The following BNC2 variants were observed in gnomAD, a reference collection of about 807,000 sequenced individuals.
BNC2 encodes the protein zinc finger protein basonuclin-2.
BNC2 carries 20 observed loss-of-function variants against 76.3 expected under a neutral mutation model. That is an observed-to-expected ratio of 0.26 (90% CI 0.18 to 0.38). The LOEUF (loss-of-function observed/expected upper bound fraction) is 0.38. Ranked by LOEUF, BNC2 falls within the 10% of genes least tolerant of loss-of-function variation. The pLI is 1.00. For synonymous variants in BNC2, 582 were observed against 514.8 expected (o/e 1.13, Z -1.77); for missense variants, 1,382 against 1,399.8 (o/e 0.99, Z 0.20).
chr9:16,669,839 C>G (rs546867910), intron 3 of BNC2, among the ~76,000 whole-genome samples: 2 of 152,270 alleles, frequency 1.3e-5, no homozygotes, highest in South Asian at 4.1e-4. Context: ...GAAGCAAAAA[C>G]GTGTTAGAAA....
rs1377248846 is a variant in BNC2, at chr9:16,415,978, A to T, written c.*3011T>A. 1 of 151,834 alleles carries T rather than the reference A, an allele frequency of 6.6e-6. No individual in the cohort carries two copies. The highest frequency in any genetic ancestry group is 1.5e-5 in the Non-Finnish European group (1 of 67,964). 9.4% of individuals were successfully genotyped at this position (151,834 alleles called of 1,614,324 possible). ...ACATTCATGTTTCCAAGCAAGGGAA[A>T]CTCTACTTCTAGAATCTCATTACTT... is the stretch of plus-strand genomic sequence containing the variant. On this transcript the variant is annotated 3_prime_UTR_variant, in exon 7 of 7. Transcript: ENST00000380672.
chr9:16,685,758 G>A, intron 3 of BNC2: 2 of 439,758 alleles, frequency 4.5e-6, no homozygotes, highest in Non-Finnish European at 8.9e-6. Context: ...GGCTTGACAT[G>A]TATGTGACAC....
chr9:16,752,840 C>T (rs1825262528), intron 1 of BNC2, among the ~76,000 whole-genome samples: 1 of 152,106 alleles, frequency 6.6e-6, no homozygotes, highest in Admixed American at 6.5e-5. Flanking sequence ...TGGTTATTAG[C>T]CAGTAAGTTT....
intron 5 of BNC2, among the ~76,000 whole-genome samples, chr9:16,517,960 A>G (rs1817489031): frequency 6.6e-6 from 1 of 152,172 alleles, no homozygotes; most frequent in Non-Finnish European, 1.5e-5. Context: ...GGTTTCTACC[A>G]AATCCCTTAA....
At chr9:16,634,782 T>A (rs1309748831) in intron 3 of BNC2, among the ~76,000 whole-genome samples, 7 of 152,138 alleles carry the variant, frequency 4.6e-5, no homozygotes, top group Admixed American at 6.5e-5. Flanking sequence ...ATTACAGGCG[T>A]GAACAACCGC....
Position 16,507,350 on chromosome 9 carries a change from C to G in BNC2, c.669+45180G>C, listed in dbSNP as rs1182843034. On this transcript the variant is annotated intron_variant, in intron 5 of 6. Transcript: ENST00000380672. ...CTTGATCTTGGCTCAGCCTACGCCT[C>G]CTGGGTTCAAACGATTCTCCTGCCT... 3.3e-5 allele frequency among the ~76,000 whole-genome samples: 5 copies of G among 149,256 alleles called. No individual in the cohort carries two copies. In the Admixed American group the frequency reaches 3.4e-4, roughly 10 times the overall value.
intron 1 of BNC2, among the ~76,000 whole-genome samples, chr9:16,809,401 T>C (rs1000959371): frequency 6.6e-6 from 1 of 152,166 alleles, no homozygotes; most frequent in African/African-American, 2.4e-5. Context: ...ATCCAATAAC[T>C]TCAGTGTTAG....
chr9:16,567,923 T>C (rs1456839336), intron 4 of BNC2, among the ~76,000 whole-genome samples: 2 of 152,222 alleles, frequency 1.3e-5, no homozygotes, highest in Non-Finnish European at 2.9e-5. Flanking sequence ...TAAAAATCTG[T>C]ACGAAAAGGG....
At chr9:16,492,428 A>T (rs532149683) in intron 5 of BNC2, among the ~76,000 whole-genome samples, 5 of 152,224 alleles carry the variant, frequency 3.3e-5, no homozygotes, top group Non-Finnish European at 7.3e-5. Context: ...TGCTTAAAAC[A>T]TGTAGTTTGT....
chr9:16,441,259 G>A, intron 5 of BNC2, among the ~76,000 whole-genome samples: 1 of 152,284 alleles, frequency 6.6e-6, no homozygotes, highest in African/African-American at 2.4e-5. Context: ...AGCCATGATA[G>A]TGCCACTGCA....
chr9:16,571,793 G>T (rs1373990869), intron 4 of BNC2, among the ~76,000 whole-genome samples: 2 of 152,014 alleles, frequency 1.3e-5, no homozygotes, highest in African/African-American at 4.8e-5. Context: ...CCTACGACAG[G>T]TTTTCCGCTG....
chr9:16,675,382 T>C (rs920746475), intron 3 of BNC2, among the ~76,000 whole-genome samples: 1 of 152,110 alleles, frequency 6.6e-6, no homozygotes, highest in Non-Finnish European at 1.5e-5. Context: ...GCCTTCAGAA[T>C]AGCTGGGACT....
intron 5 of BNC2, among the ~76,000 whole-genome samples, chr9:16,524,991 T>A (rs993105050): frequency 6.7e-6 from 1 of 150,072 alleles, no homozygotes. Context: ...GAGGATCACT[T>A]GAGCCTGAAA....
At chr9:16,653,662 T>C (rs1199483341) in intron 3 of BNC2, among the ~76,000 whole-genome samples, 2 of 152,152 alleles carry the variant, frequency 1.3e-5, no homozygotes, top group African/African-American at 4.8e-5. Flanking sequence ...ATATCTTGCC[T>C]AGGCTGCTCC....
chr9:16,812,593 G>C (rs115108885), intron 1 of BNC2, among the ~76,000 whole-genome samples: 10 of 152,160 alleles, frequency 6.6e-5, no homozygotes, highest in Admixed American at 1.3e-4. Flanking sequence ...TTTTTGGAGT[G>C]TTTCATCTTA....
At chr9:16,641,911 G>C (rs370975595) in intron 3 of BNC2, among the ~76,000 whole-genome samples, 1 of 152,088 alleles carries the variant, frequency 6.6e-6, no homozygotes, top group South Asian at 2.1e-4. Context: ...CTATTTAATG[G>C]AATGGCCATT....
chr9:16,494,652 A>C (rs949025387), intron 5 of BNC2, among the ~76,000 whole-genome samples: 1 of 152,302 alleles, frequency 6.6e-6, no homozygotes. Context: ...AAGTTGAACA[A>C]GTGAAGGAGG....
chr9:16,709,543 A>G (rs1214129933), intron 3 of BNC2, among the ~76,000 whole-genome samples: 1 of 152,146 alleles, frequency 6.6e-6, no homozygotes, highest in African/African-American at 2.4e-5. Flanking sequence ...GAGAGATGTT[A>G]AAGAACTCAG....
At chr9:16,847,097 G>A (rs955652162) in intron 1 of BNC2, among the ~76,000 whole-genome samples, 2 of 152,126 alleles carry the variant, frequency 1.3e-5, no homozygotes, top group African/African-American at 4.8e-5. Flanking sequence ...AGGTCCTCAA[G>A]ATAAAACTAA....
Sources: gnomAD v4.1 joint callset for allele counts (sites outside exome capture counted in the v4.1 genomes callset) on GRCh38, gnomAD v4.1.1 for gene constraint, MANE v1.5 for transcripts, NCBI Gene and HGNC (gene_info 2026-07-23, HGNC 2026-07-21) for gene names.